LNX1: variants seen among roughly 807,000 people sequenced by gnomAD.
LNX1 encodes E3 ubiquitin-protein ligase LNX.
Under a neutral mutation model 68.4 loss-of-function variants are expected in LNX1, and 54 were observed. The observed-to-expected ratio is 0.79, with a 90% CI of 0.63 to 0.99. LNX1 has a LOEUF of 0.99. Among genes scored for constraint, LNX1 ranks in the 50% least tolerant of loss-of-function variants. The pLI, the probability that LNX1 is intolerant of heterozygous loss-of-function variation, is 0.00. For missense variants in LNX1, 906 were observed against 926.4 expected (o/e 0.98, Z 0.29); for synonymous variants, 336 against 350.0 (o/e 0.96, Z 0.45).
chr4:53,517,942 C>T (rs1726914542), intron 2 of LNX1, among the ~76,000 whole-genome samples: 1 of 152,190 alleles, frequency 6.6e-6, no homozygotes, highest in African/African-American at 2.4e-5. Context: ...AGGTGGATTT[C>T]TGACATCATT....
intron 1 of LNX1, among the ~76,000 whole-genome samples, chr4:53,644,659 T>G (rs1477873): frequency 0.027 from 4,136 of 152,242 alleles, 195 homozygotes; most frequent in African/African-American, 0.091. Context: ...GGAGCGGGAT[T>G]CCATGTCAGG....
At chr4:53,491,839 C>T (rs1724705068) in intron 6 of LNX1, among the ~76,000 whole-genome samples, 1 of 147,722 alleles carries the variant, frequency 6.8e-6, no homozygotes, top group African/African-American at 2.5e-5. Context: ...CTCTTTTTGC[C>T]CAGGCTGGAG....
At chr4:53,512,620 T>C (rs1726437295) in intron 2 of LNX1, among the ~76,000 whole-genome samples, 1 of 152,156 alleles carries the variant, frequency 6.6e-6, no homozygotes, top group South Asian at 2.1e-4. Flanking sequence ...TTTTCAACTG[T>C]ATTTCTTTCA....
At chr4:53,617,908 A>T (rs1322610778), upstream of LNX1, among the ~76,000 whole-genome samples, 1 of 152,178 alleles carries the variant, frequency 6.6e-6, no homozygotes, top group Non-Finnish European at 1.5e-5. Flanking sequence ...AAAATTTTTG[A>T]CTTATCAAGA....
chr4:53,557,723 C>A, intron 2 of LNX1: 3 of 793,416 alleles, frequency 3.8e-6, no homozygotes, highest in Non-Finnish European at 5.6e-6. Context: ...GCTAAGCATG[C>A]CGTTTTAAAC....
intron 2 of LNX1, among the ~76,000 whole-genome samples, chr4:53,566,726 C>T (rs1261459547): frequency 2.0e-5 from 3 of 151,262 alleles, no homozygotes; most frequent in African/African-American, 4.9e-5. Context: ...GAGTCAAGAC[C>T]CATCAGTGTG....
At chr4:53,461,209 A>G (rs1053025078) in intron 10 of LNX1, among the ~76,000 whole-genome samples, 167 bp from the exon 11 acceptor site, 1 of 152,124 alleles carries the variant, frequency 6.6e-6, no homozygotes, top group African/African-American at 2.4e-5. Context: ...CAAACTCACT[A>G]TCCATTCAGC....
chr4:53,576,015 C>A (rs4864801), intron 1 of LNX1: 2 of 1,567,338 alleles, frequency 1.3e-6, no homozygotes, highest in Non-Finnish European at 1.7e-6. Context: ...ATCTTCCCCC[C>A]ACCAGCCTGA....
chr4:53,472,123 G>C (rs947125851), intron 9 of LNX1, among the ~76,000 whole-genome samples: 6 of 152,164 alleles, frequency 3.9e-5, no homozygotes, highest in African/African-American at 1.4e-4. Flanking sequence ...TTAAGAAAAC[G>C]TGGTACATAT....
intron 1 of LNX1, among the ~76,000 whole-genome samples, chr4:53,587,524 G>T (rs1273210122): frequency 6.6e-6 from 1 of 152,184 alleles, no homozygotes; most frequent in Non-Finnish European, 1.5e-5. Flanking sequence ...ATAGTTGTAT[G>T]CTACTGGGAA....
At chr4:53,515,510 C>G (rs59538345) in intron 2 of LNX1, among the ~76,000 whole-genome samples, 31,056 of 148,688 alleles carry the variant, frequency 0.21, 3,734 homozygotes, top group Admixed American at 0.31. Context: ...ATTTAAGGCC[C>G]CCACCCCACC....
intron 2 of LNX1, among the ~76,000 whole-genome samples, chr4:53,537,373 G>C (rs1339083597): frequency 6.6e-6 from 1 of 152,204 alleles, no homozygotes; most frequent in Non-Finnish European, 1.5e-5. Context: ...TGAGGGTCAA[G>C]TTCTAGTCTT....
In LNX1 at chr4:53,507,372, A is replaced by T; in HGVS notation, c.720T>A (p.Val240=). ...CCCTGCCCTGGTCGGCATGGTTGGC[A>T]ACTGCACTCCCGCTCTTTGTCCTTC... The part of the protein sequence containing the change: ...VLRRTKSGSA[V]ANHADQGREN... Residue 240 remains valine (V), a synonymous_variant, in exon 4 of 11, where the codon GTT becomes GTA. Coordinates refer to ENST00000263925, the MANE Select transcript of LNX1 (RefSeq NM_001126328.3). 6.2e-7 allele frequency: 1 copy of T among 1,614,176 alleles called. No individual in the cohort carries two copies. Among genetic ancestry groups the T allele is most frequent in the Non-Finnish European group, 8.5e-7 (1 of 1,180,020 alleles).
At position 53,496,355 on chromosome 4, in the gene LNX1, C is replaced by T. The variant is rs761909300; in HGVS notation, c.1018G>A (p.Ala340Thr). 1.9e-6 allele frequency: 3 copies of T among 1,613,798 alleles called. No homozygotes were observed. Among genetic ancestry groups the T allele is most frequent in the South Asian group, 1.1e-5 (1 of 91,066 alleles). Residue 340 changes from alanine (A) to threonine (T), a missense_variant, in exon 6 of 11, where the codon GCT (alanine) becomes ACT (threonine). Ala to Thr is a moderately conservative substitution (Grantham distance 58). Transcript: ENST00000263925. ...MDISNVPHNYAVRLLRQPCQV... is the reference protein window; with the variant it reads ...MDISNVPHNYTVRLLRQPCQV... ...CAGGGCTGCCGCAGGAGACGCACAG[C>T]GTAGTTGTGAGGGACATTGCTGATG...
intron 1 of LNX1, among the ~76,000 whole-genome samples, chr4:53,588,813 T>A (rs905637667): frequency 6.6e-6 from 1 of 152,074 alleles, no homozygotes; most frequent in African/African-American, 2.4e-5. Flanking sequence ...TCTTGAATGA[T>A]GAAAATTTGT....
At chr4:53,564,194 C>T (rs1301879349) in intron 2 of LNX1, among the ~76,000 whole-genome samples, 1 of 152,178 alleles carries the variant, frequency 6.6e-6, no homozygotes, top group East Asian at 1.9e-4. Context: ...CTCAGGCTTC[C>T]TTGAGGTGTG....
At chr4:53,475,959 G>T (rs949463124) in intron 9 of LNX1, among the ~76,000 whole-genome samples, 2 of 152,134 alleles carry the variant, frequency 1.3e-5, no homozygotes, top group South Asian at 4.1e-4. Context: ...TAGCAAAGGC[G>T]AAGTGCTCTG....
intron 6 of LNX1, among the ~76,000 whole-genome samples, chr4:53,487,810 C>T (rs1724411127): frequency 6.6e-6 from 1 of 152,196 alleles, no homozygotes; most frequent in Non-Finnish European, 1.5e-5. Context: ...TTAATAATCA[C>T]TTCTTTAAAA....
intron 2 of LNX1, among the ~76,000 whole-genome samples, chr4:53,601,329 T>TC (rs1733004693): frequency 6.6e-6 from 1 of 152,034 alleles, no homozygotes; most frequent in Admixed American, 6.6e-5. Flanking sequence ...GTTGTGGCTG[T>TC]CCCCCTGAAG....
Sources: gnomAD v4.1 joint callset for allele counts (sites outside exome capture counted in the v4.1 genomes callset) on GRCh38, gnomAD v4.1.1 for gene constraint, MANE v1.5 for transcripts, NCBI Gene and HGNC (gene_info 2026-07-23, HGNC 2026-07-21) for gene names.